The following TP53BP1 variants were observed in gnomAD, a reference collection of about 807,000 sequenced individuals.
TP53BP1 encodes TP53-binding protein 1.
Under a neutral mutation model 200.8 loss-of-function variants are expected in TP53BP1, and 61 were observed. The observed-to-expected ratio is 0.30, with a 90% CI of 0.25 to 0.38. The LOEUF is 0.38. TP53BP1 is among the 10% of genes least tolerant of loss of function. The pLI is 1.00. For synonymous variants in TP53BP1, 822 were observed against 844.3 expected (o/e 0.97, Z 0.46); for missense variants, 2,144 against 2,371.9 (o/e 0.90, Z 2.00).
intron 16 of TP53BP1, among the ~76,000 whole-genome samples, chr15:43,434,161 A>T (rs1452058231): frequency 1.4e-4 from 21 of 152,182 alleles, no homozygotes; most frequent in Admixed American, 1.4e-3. Flanking sequence ...AATGAAGAAG[A>T]AGTAAGAACA....
intron 4 of TP53BP1, among the ~76,000 whole-genome samples, chr15:43,485,649 C>T (rs553706064): frequency 1.4e-5 from 2 of 147,568 alleles, no homozygotes; most frequent in African/African-American, 5.0e-5. Flanking sequence ...TCAAGACCAG[C>T]CTGGCCAACA....
At chr15:43,448,048 G>A (rs1213735205) in intron 12 of TP53BP1, among the ~76,000 whole-genome samples, 1 of 152,166 alleles carries the variant, frequency 6.6e-6, no homozygotes, top group Non-Finnish European at 1.5e-5. Context: ...AAATCCAAGG[G>A]TTTCATGGTT....
At position 43,479,391 on chromosome 15, in the gene TP53BP1, G is replaced by C; in HGVS notation, c.788+6C>G. On this transcript the variant is annotated splice_donor_region_variant and intron_variant, in intron 7 of 27. Transcript: ENST00000382044. ...TCGTAAATCCTTTTTAGAAAGTTCG[G>C]CTTACCTTGCAGGTGGTGGATTTTG... is the stretch of plus-strand genomic sequence containing the variant. 4 of 1,592,938 alleles carry C rather than the reference G, an allele frequency of 2.5e-6. No homozygotes were observed. In the South Asian group the frequency reaches 4.6e-5, roughly 18 times the overall value.
In TP53BP1 at chr15:43,409,412, C is replaced by A. The variant is rs571744958; in HGVS notation, c.5400+235G>T. The A allele has an allele frequency of 1.3e-4, 68 of 538,970 alleles. No homozygotes were observed. The Middle Eastern group carries it at 1.5e-3, about 12-fold the overall frequency. 33.4% of individuals were successfully genotyped at this position (538,970 alleles called of 1,614,324 possible). A position where few individuals can be genotyped will look rare whatever the true frequency, so the allele number is the denominator to read the frequency against. On this transcript the variant is annotated intron_variant, in intron 25 of 27. Coordinates refer to ENST00000382044, the MANE Select transcript of TP53BP1 (RefSeq NM_001141980.3). Reference sequence around the variant, plus strand: ...TCTACTACTAAACATAAACATCAATCTTCTTTTGTCCCAGCAACAGAACCA... The same window carrying A: ...TCTACTACTAAACATAAACATCAATATTCTTTTGTCCCAGCAACAGAACCA...
intron 11 of TP53BP1, among the ~76,000 whole-genome samples, chr15:43,457,436 G>A (rs913972425): frequency 7.9e-5 from 12 of 151,896 alleles, no homozygotes; most frequent in Non-Finnish European, 1.5e-4. Flanking sequence ...CACAAAGTGG[G>A]GATACGTACT....
intron 24 of TP53BP1, among the ~76,000 whole-genome samples, chr15:43,410,271 T>C (rs2045074709): frequency 6.6e-6 from 1 of 152,212 alleles, no homozygotes. Flanking sequence ...TAAACCAGAA[T>C]GCTCAATGAA....
chr15:43,446,456 A>G lies in TP53BP1; in HGVS notation c.2971T>C (p.Cys991Arg), dbSNP rs760681705. The G allele has an allele frequency of 1.2e-6, 2 of 1,614,064 alleles. No homozygotes were observed. The highest frequency in any genetic ancestry group is 8.5e-7 in the Non-Finnish European group (1 of 1,180,040). ...GAAPDVDDKL[C>R]LRMKLVSPET... ...GGACTAACCAGTTTCATTCTTAGAC[A>G]TAATTTATCATCCACGTCTGGGGCA... The change falls in exon 14 of 28, where the codon TGT (cysteine) becomes CGT (arginine). Residue 991 changes from cysteine to arginine, a missense_variant. By Grantham distance (180) the Cys-to-Arg change is radical (BLOSUM62 -3). Around this residue, in one of 4 missense-constraint regions of TP53BP1, gnomAD observed 1,700 missense variants for 1,710.3 expected, o/e 0.99. Coordinates refer to ENST00000382044, the MANE Select transcript of TP53BP1 (RefSeq NM_001141980.3).
At position 43,447,440 on chromosome 15, in the gene TP53BP1, G is replaced by A; in HGVS notation, c.2762C>T (p.Pro921Leu). The stretch of plus-strand genomic sequence containing the variant: ...AGGTGGGGTTGCACCAGTCAATGGT[G>A]GGATGATATCACCTTCTTTAGGCAA... ...FTLPKEGDIIPPLTGATPPLI... is the reference protein window; with the variant it reads ...FTLPKEGDIILPLTGATPPLI... The change falls in exon 13 of 28, where the codon CCA becomes CTA. Residue 921 changes from proline (P) to leucine (L), a missense_variant. Pro to Leu is a moderately conservative substitution (Grantham distance 98, BLOSUM62 -3). Transcript: ENST00000382044. 1.3e-6 allele frequency: 2 copies of A among 1,590,372 alleles called. No homozygotes were observed. Among genetic ancestry groups the A allele is most frequent in the Non-Finnish European group, 1.7e-6 (2 of 1,172,094 alleles).
intron 15 of TP53BP1, among the ~76,000 whole-genome samples, chr15:43,440,875 C>A (rs541428804): frequency 2.0e-5 from 3 of 152,070 alleles, no homozygotes; most frequent in Non-Finnish European, 2.9e-5. Context: ...GGCAACAGAG[C>A]AAGATTCTGT....
At chr15:43,481,298 T>C (rs2078961187) in intron 4 of TP53BP1, among the ~76,000 whole-genome samples, 1 of 152,098 alleles carries the variant, frequency 6.6e-6, no homozygotes, top group Non-Finnish European at 1.5e-5. Flanking sequence ...GGAGAATTAC[T>C]GACAAGTGAC....
At chr15:43,465,869 G>A (rs1595591651) in intron 11 of TP53BP1, among the ~76,000 whole-genome samples, 1 of 152,054 alleles carries the variant, frequency 6.6e-6, no homozygotes, top group African/African-American at 2.4e-5. Context: ...TGCCCAGGCT[G>A]GTCTCAAACT....
At position 43,421,895 on chromosome 15, in the gene TP53BP1, A is replaced by T. The variant is rs766169869; in HGVS notation, c.4060T>A (p.Phe1354Ile). The T allele has an allele frequency of 6.2e-7, 1 of 1,614,116 alleles. No individual in the cohort carries two copies. The highest frequency in any genetic ancestry group is 2.2e-5 in the East Asian group (1 of 44,886). Residue 1354 changes from phenylalanine to isoleucine, a missense_variant, in exon 19 of 28, where the codon TTT becomes ATT. By Grantham distance (21) the Phe-to-Ile change is conservative. Transcript: ENST00000382044. Reference sequence around the variant, plus strand: ...CCTCCTCGGGAGCTGGGTAAGGCAAAATCTGCGGGTTCTGTCCCGCTGGTT... The same window carrying T: ...CCTCCTCGGGAGCTGGGTAAGGCAATATCTGCGGGTTCTGTCCCGCTGGTT... ...GKTSGTEPAD[F>I]ALPSSRGGPG...
intron 16 of TP53BP1, among the ~76,000 whole-genome samples, chr15:43,435,469 C>T (rs2045773495): frequency 6.6e-6 from 1 of 152,000 alleles, no homozygotes; most frequent in South Asian, 2.1e-4. Flanking sequence ...TTTTAAAACG[C>T]TTTAATAAAA....
chr15:43,407,737 A>G (rs1383635104), intron 27 of TP53BP1, 167 bp from the exon 28 acceptor site: 8 of 783,200 alleles, frequency 1.0e-5, no homozygotes, highest in East Asian at 2.7e-5. Flanking sequence ...TATAATCACT[A>G]TGTGCTGACC....
chr15:43,486,644 G>A (rs1000217660), intron 4 of TP53BP1, among the ~76,000 whole-genome samples: 1 of 151,974 alleles, frequency 6.6e-6, no homozygotes, highest in Non-Finnish European at 1.5e-5. Flanking sequence ...TTGTTTTTGA[G>A]GCAGGGTCTC....
chr15:43,482,494 C>T (rs1379523735), intron 4 of TP53BP1, among the ~76,000 whole-genome samples: 3 of 152,078 alleles, frequency 2.0e-5, no homozygotes, highest in African/African-American at 4.8e-5. Context: ...TTAGGCTGGG[C>T]GCGGTGGCTC....
intron 9 of TP53BP1, 85 bp downstream of exon 9, chr15:43,475,480 G>A (rs2078866650): frequency 4.1e-6 from 6 of 1,475,348 alleles, no homozygotes; most frequent in East Asian, 4.6e-5. Context: ...TTCTAGACTA[G>A]CAGATAAGTT....
upstream of TP53BP1, among the ~76,000 whole-genome samples, chr15:43,495,499 A>T (rs2079177213): frequency 7.7e-6 from 1 of 129,744 alleles, no homozygotes; most frequent in Admixed American, 7.4e-5. Context: ...ACTCCGTCAC[A>T]CACACACACA....
Position 43,447,350 on chromosome 15 carries a change from C to G in TP53BP1, c.2836+16G>C. 2 of 1,591,312 alleles carry G rather than the reference C, an allele frequency of 1.3e-6. No homozygotes were observed. The highest frequency in any genetic ancestry group is 1.7e-6 in the Non-Finnish European group (2 of 1,174,366). The stretch of plus-strand genomic sequence containing the variant: ...AGAAATTCTGCCTTAAATATCATTA[C>G]TTTTTATTCACTCACCAATAGGAGT... On this transcript the variant is annotated intron_variant, in intron 13 of 27. Coordinates refer to ENST00000382044, the MANE Select transcript of TP53BP1 (RefSeq NM_001141980.3).
Sources: gnomAD v4.1 joint callset for allele counts (sites outside exome capture counted in the v4.1 genomes callset) on GRCh38, gnomAD v4.1.1 for gene constraint, gnomAD v4.1.1 regional missense constraint, MANE v1.5 for transcripts, NCBI Gene and HGNC (gene_info 2026-07-23, HGNC 2026-07-21) for gene names.